PRKN: variants seen among roughly 807,000 people sequenced by gnomAD.
PRKN encodes E3 ubiquitin-protein ligase parkin.
In PRKN, 56 loss-of-function variants were observed where a neutral mutation model predicts 59.5. The ratio of observed to expected loss-of-function variants is 0.94; its 90% CI spans 0.76 to 1.18. The LOEUF (loss-of-function observed/expected upper bound fraction) is 1.18. Among genes scored for constraint, PRKN ranks in the 50% most tolerant of loss-of-function variants. The pLI, the probability that PRKN is intolerant of heterozygous loss-of-function variation, is 0.00. For synonymous variants in PRKN, 250 were observed against 222.1 expected, an observed-to-expected ratio of 1.13 and a Z score of -1.12; for missense variants, 657 against 596.4, an observed-to-expected ratio of 1.10 and a Z score of -1.06.
Position 162,262,782 on chromosome 6 carries a change from TAAAAA to T in PRKN, c.172-22_172-18del, listed in dbSNP as rs751742289. The T allele has an allele frequency of 1.4e-3, 1,846 of 1,352,458 alleles. No individual in the cohort carries two copies. Among genetic ancestry groups the T allele is most frequent in the Admixed American group, 2.3e-3 (79 of 34,320 alleles). The allele number at this position is 1,352,458 out of a possible 1,614,324, so 83.8% of individuals were successfully genotyped here. A position where few individuals can be genotyped will look rare whatever the true frequency, so the allele number is the denominator to read the frequency against. On this transcript the variant is annotated intron_variant, in intron 2 of 11. Coordinates refer to ENST00000366898, the MANE Select transcript of PRKN (RefSeq NM_004562.3). ...GTCACAATTCTGTTTGGGAGCAAGGTAAAAAAAAAAAAAAAAAAAAAGGAAATGTC... is the reference window on the plus strand; with the variant it reads ...GTCACAATTCTGTTTGGGAGCAAGGTAAAAAAAAAAAAAAAAGGAAATGTC...
chr6:161,536,951 A>G (rs936603348), intron 9 of PRKN, among the ~76,000 whole-genome samples: 2 of 152,208 alleles, frequency 1.3e-5, no homozygotes, highest in Non-Finnish European at 2.9e-5. Flanking sequence ...CCATTACAGG[A>G]AGTTCTGGGT....
intron 6 of PRKN, among the ~76,000 whole-genome samples, chr6:161,932,346 T>C (rs1319425847): frequency 6.6e-6 from 1 of 152,146 alleles, no homozygotes; most frequent in Non-Finnish European, 1.5e-5. Context: ...ATTGAATATT[T>C]ATATTTTTAT....
chr6:161,738,423 C>T (rs1191107198), intron 7 of PRKN, among the ~76,000 whole-genome samples: 2 of 152,140 alleles, frequency 1.3e-5, no homozygotes, highest in African/African-American at 4.8e-5. Context: ...TGGTGAGAGG[C>T]TTAGCTTTTA....
intron 6 of PRKN, among the ~76,000 whole-genome samples, chr6:161,906,676 G>GATATATATATATATATATA (rs1778159828): frequency 9.4e-6 from 1 of 106,794 alleles, no homozygotes; most frequent in African/African-American, 3.5e-5. Flanking sequence ...ATATATATAT[G>GATATATATATATATATATA]TATATATGAG....
chr6:161,393,603 A>G lies in PRKN; in HGVS notation c.1084-6726T>C, dbSNP rs1363174678. 1.3e-5 allele frequency among the ~76,000 whole-genome samples: 2 copies of G among 151,958 alleles called. No individual in the cohort carries two copies. Among genetic ancestry groups the G allele is most frequent in the Non-Finnish European group, 2.9e-5 (2 of 67,996 alleles). The stretch of plus-strand genomic sequence containing the variant: ...CACATTCAAAAGGGGCTGTATGTGT[A>G]CTTTCTCTGTGGAAGCATGAAAAGG... On this transcript the variant is annotated intron_variant, in intron 9 of 11. Transcript: ENST00000366898. The surrounding 1 kb of genome is among the most constrained non-coding windows in gnomAD (Gnocchi z 4.7).
intron 7 of PRKN, among the ~76,000 whole-genome samples, chr6:161,752,829 G>A (rs1788752551): frequency 6.6e-6 from 1 of 152,156 alleles, no homozygotes; most frequent in South Asian, 2.1e-4. Context: ...GGACTAGAGT[G>A]GTGGCCCAAA....
chr6:162,623,266 A>T (rs1412463193), intron 1 of PRKN, among the ~76,000 whole-genome samples: 1 of 151,500 alleles, frequency 6.6e-6, no homozygotes, highest in Admixed American at 6.6e-5. Flanking sequence ...AAAGTTTCCA[A>T]TATAGAGATC....
chr6:162,579,505 T>TCA lies in PRKN; in HGVS notation c.8-136034_8-136033dup, dbSNP rs764195247. ...ACTCACACAGATTTACACACAAAGT[T>TCA]CACACACACAGATTCACACAGATTC... On this transcript the variant is annotated intron_variant, in intron 1 of 11. Coordinates refer to ENST00000366898, the MANE Select transcript of PRKN (RefSeq NM_004562.3). Among the ~76,000 whole-genome samples, 8 of 149,266 alleles carry TCA rather than the reference T, an allele frequency of 5.4e-5. 1 individual carries two copies. The South Asian group carries it at 1.7e-3, about 32-fold the overall frequency.
chr6:161,436,795 C>A (rs751148512), intron 9 of PRKN, among the ~76,000 whole-genome samples: 19 of 152,042 alleles, frequency 1.2e-4, no homozygotes, highest in Non-Finnish European at 2.2e-4. Flanking sequence ...ATGTCTGTAT[C>A]TGTAAGAGTA....
chr6:161,412,429 C>T (rs1045820144), intron 9 of PRKN, among the ~76,000 whole-genome samples: 6 of 148,332 alleles, frequency 4.0e-5, no homozygotes, highest in Non-Finnish European at 7.5e-5. Flanking sequence ...CTCATTCCTT[C>T]CTCACTCATT....
intron 2 of PRKN, among the ~76,000 whole-genome samples, chr6:162,329,897 C>A (rs1057097240): frequency 6.6e-6 from 1 of 152,086 alleles, no homozygotes; most frequent in African/African-American, 2.4e-5. Flanking sequence ...TTGGAAAACA[C>A]TGAGGGATCA....
intron 7 of PRKN, among the ~76,000 whole-genome samples, chr6:161,608,995 G>A (rs1782388985): frequency 1.3e-5 from 2 of 152,172 alleles, no homozygotes; most frequent in African/African-American, 4.8e-5. Context: ...CAGAATAGCT[G>A]TCAGGAGCTT....
chr6:162,201,563 C>T (rs184768100), intron 3 of PRKN, among the ~76,000 whole-genome samples: 129 of 152,230 alleles, frequency 8.5e-4, no homozygotes, highest in African/African-American at 2.6e-3. Context: ...GCACTCTTTG[C>T]CGAGGAAGTT....
chr6:162,266,662 T>C (rs1780150954), intron 2 of PRKN, among the ~76,000 whole-genome samples: 1 of 152,206 alleles, frequency 6.6e-6, no homozygotes, highest in Non-Finnish European at 1.5e-5. Context: ...GTATGAATTT[T>C]GGCAAATGAT....
intron 9 of PRKN, among the ~76,000 whole-genome samples, chr6:161,438,708 G>C (rs984791909): frequency 2.6e-5 from 4 of 152,192 alleles, no homozygotes; most frequent in Non-Finnish European, 5.9e-5. Flanking sequence ...GATGGATGTT[G>C]TTAAGGAATT....
rs955461043 is a variant in PRKN, at chr6:161,582,677, T to C, written c.872-13261A>G. Among the ~76,000 whole-genome samples, 4 of 152,082 alleles carry C rather than the reference T, an allele frequency of 2.6e-5. No homozygotes were observed. Among genetic ancestry groups the C allele is most frequent in the African/African-American group, 2.4e-5 (1 of 41,422 alleles). On this transcript the variant is annotated intron_variant, in intron 7 of 11. Coordinates refer to ENST00000366898, the MANE Select transcript of PRKN (RefSeq NM_004562.3). The surrounding 1 kb of genome is among the most constrained non-coding windows in gnomAD (Gnocchi z 4.4). ...CTGCTGACCTCGTGATCTGCCCGCC[T>C]CGGCCTCCCAAAGTTCTGGGATTAC...
intron 6 of PRKN, among the ~76,000 whole-genome samples, chr6:161,838,330 C>A (rs2128220085): frequency 6.6e-6 from 1 of 152,288 alleles, no homozygotes; most frequent in South Asian, 2.1e-4. Flanking sequence ...ATAAATAAAA[C>A]AGCGGGGCAC....
intron 6 of PRKN, among the ~76,000 whole-genome samples, chr6:161,946,345 A>G (rs546136435): frequency 3.9e-5 from 6 of 151,996 alleles, no homozygotes; most frequent in Non-Finnish European, 7.4e-5. Flanking sequence ...GGAGAAATAA[A>G]GATGAAAATA....
chr6:161,868,305 G>A (rs1007834848), intron 6 of PRKN, among the ~76,000 whole-genome samples: 12 of 148,156 alleles, frequency 8.1e-5, no homozygotes, highest in East Asian at 2.0e-4. Flanking sequence ...TGGGCCCGGC[G>A]CAGTGGCTCA....
Sources: allele counts gnomAD v4.1 joint callset (sites outside exome capture counted in the v4.1 genomes callset), GRCh38; gene constraint gnomAD v4.1.1; non-coding constraint Gnocchi (gnomAD v3.1); transcripts MANE v1.5; gene names NCBI Gene and HGNC (gene_info 2026-07-23, HGNC 2026-07-21).